The following ANXA8 variants were observed in gnomAD, a reference collection of about 807,000 sequenced individuals.
ANXA8 encodes VAC-beta.
ANXA8 carries 9 observed loss-of-function variants against 26.8 expected under a neutral mutation model. The ratio of observed to expected loss-of-function variants is 0.34; its 90% CI spans 0.20 to 0.59. The LOEUF (loss-of-function observed/expected upper bound fraction) is 0.59, where lower values mean the gene tolerates loss of function less well. Among genes scored for constraint, ANXA8 ranks in the 20% least tolerant of loss-of-function variants. The probability of loss-of-function intolerance (pLI) is 0.84; values close to 1 mark genes in which losing one functional copy is unlikely to be tolerated. For missense variants in ANXA8, 83 were observed against 238.5 expected, an observed-to-expected ratio of 0.35 and a Z score of 4.29; for synonymous variants, 39 against 94.8, an observed-to-expected ratio of 0.41 and a Z score of 3.42.
chr10:47,946,843 C>A, the ANXA8 span, among the ~76,000 whole-genome samples: 2 of 150,956 alleles, frequency 1.3e-5, no homozygotes. Context: ...CAGGCATGTG[C>A]CACCAAGCCC....
the ANXA8 span, among the ~76,000 whole-genome samples, chr10:47,611,604 G>A: frequency 9.3e-6 from 1 of 107,584 alleles, no homozygotes; most frequent in Admixed American, 1.0e-4. Context: ...CCACAAAAAT[G>A]TTGAACATAA....
the ANXA8 span, among the ~76,000 whole-genome samples, chr10:47,952,487 T>A: frequency 6.7e-6 from 1 of 149,674 alleles, no homozygotes; most frequent in Non-Finnish European, 1.5e-5. Context: ...AAGATTAAAT[T>A]ATATAAATAA....
chr10:47,623,559 T>C, the ANXA8 span, among the ~76,000 whole-genome samples: 12 of 112,344 alleles, frequency 1.1e-4, 5 homozygotes, highest in Non-Finnish European at 7.8e-5. Context: ...TTCTTATTTT[T>C]CTAGAATCTC....
chr10:47,571,786 C>T, the ANXA8 span, among the ~76,000 whole-genome samples: 7 of 145,958 alleles, frequency 4.8e-5, no homozygotes, highest in African/African-American at 1.1e-4. Context: ...CATAGGCGTG[C>T]GCAACTGCAC....
At chr10:47,705,908 C>A in the ANXA8 span, among the ~76,000 whole-genome samples, 1 of 149,700 alleles carries the variant, frequency 6.7e-6, no homozygotes, top group Non-Finnish European at 1.5e-5. Context: ...AAACGTCGCC[C>A]CGACGCACCC....
chr10:47,530,708 AAAAAG>A, the ANXA8 span, among the ~76,000 whole-genome samples: 1 of 137,546 alleles, frequency 7.3e-6, no homozygotes, highest in Admixed American at 7.4e-5. Context: ...AAAAAAAAGA[AAAAAG>A]AGAGAAAATA....
the ANXA8 span, among the ~76,000 whole-genome samples, chr10:47,693,688 T>A: frequency 9.9e-5 from 15 of 151,780 alleles, no homozygotes; most frequent in Non-Finnish European, 2.1e-4. Context: ...TATTTATATG[T>A]GATTATATTA....
At chr10:47,701,200 T>TAA in the ANXA8 span, among the ~76,000 whole-genome samples, 1 of 141,356 alleles carries the variant, frequency 7.1e-6, no homozygotes, top group Non-Finnish European at 1.6e-5. Context: ...TTGGCAAAAT[T>TAA]AAAAAAAAAA....
the ANXA8 span, among the ~76,000 whole-genome samples, chr10:47,644,375 G>T: frequency 6.6e-6 from 1 of 151,672 alleles, no homozygotes; most frequent in South Asian, 2.1e-4. Flanking sequence ...TTTAGGTTTT[G>T]TGGGCCATAT....
At chr10:47,631,080 T>C in the ANXA8 span, among the ~76,000 whole-genome samples, 2 of 150,274 alleles carry the variant, frequency 1.3e-5, no homozygotes, top group East Asian at 3.9e-4. Context: ...GGAATAATCA[T>C]ATATATCACC....
upstream of ANXA8, among the ~76,000 whole-genome samples, chr10:47,488,543 A>C (rs1297722867): frequency 1.1e-3 from 168 of 151,456 alleles, 8 homozygotes; most frequent in African/African-American, 4.0e-3. Context: ...CTGAGCTAAG[A>C]TGTTTATCTC....
chr10:47,940,521 T>C, the ANXA8 span, among the ~76,000 whole-genome samples: 4 of 145,752 alleles, frequency 2.7e-5, no homozygotes, highest in Non-Finnish European at 5.9e-5. Flanking sequence ...ATGGGGCTTG[T>C]CTGCCTCTAT....
the ANXA8 span, chr10:47,689,597 T>C: frequency 1.9e-3 from 961 of 507,026 alleles, 14 homozygotes; most frequent in African/African-American, 0.017. Flanking sequence ...ATGTTAATTA[T>C]GTTTTTGACT....
chr10:47,581,895 G>A, the ANXA8 span, among the ~76,000 whole-genome samples: 2 of 150,216 alleles, frequency 1.3e-5, no homozygotes, highest in Non-Finnish European at 2.9e-5. Flanking sequence ...GTGAGCCACC[G>A]TGCCCCGCCA....
At chr10:47,981,116 C>A in the ANXA8 span, among the ~76,000 whole-genome samples, 1 of 151,760 alleles carries the variant, frequency 6.6e-6, no homozygotes, top group Non-Finnish European at 1.5e-5. Flanking sequence ...AATCAAGTGA[C>A]ATTTATTTCA....
chr10:47,486,408 G>GT (rs1840048207), upstream of ANXA8, among the ~76,000 whole-genome samples: 1 of 140,498 alleles, frequency 7.1e-6, no homozygotes, highest in Non-Finnish European at 1.5e-5. Context: ...TGGTGAAACA[G>GT]TTTTTTAGGA....
chr10:47,664,851 A>C, the ANXA8 span, among the ~76,000 whole-genome samples: 1 of 143,298 alleles, frequency 7.0e-6, no homozygotes, highest in Admixed American at 7.1e-5. Context: ...CCAGCCTCCC[A>C]AGTAGTTGGG....
chr10:47,960,442 G>A, the ANXA8 span, among the ~76,000 whole-genome samples: 1 of 147,890 alleles, frequency 6.8e-6, no homozygotes, highest in Non-Finnish European at 1.5e-5. Context: ...GGGGACAGAA[G>A]GAGGGAGCCA....
upstream of ANXA8, among the ~76,000 whole-genome samples, chr10:47,485,004 C>T (rs2132444026): frequency 6.8e-6 from 1 of 147,402 alleles, no homozygotes; most frequent in South Asian, 2.2e-4. Context: ...CTGGCCGCCG[C>T]CATCCCCAGC....
Sources: gnomAD v4.1 joint callset for allele counts (sites outside exome capture counted in the v4.1 genomes callset) on GRCh38, gnomAD v4.1.1 for gene constraint, MANE v1.5 for transcripts, NCBI Gene and HGNC (gene_info 2026-07-23, HGNC 2026-07-21) for gene names.